ZBTB32: variants seen among roughly 807,000 people sequenced by gnomAD.
The protein encoded by ZBTB32 is zinc finger and BTB domain containing 32.
A neutral mutation model predicts 45.3 loss-of-function variants in ZBTB32; 28 were observed. The ratio of observed to expected loss-of-function variants is 0.62; its 90% CI spans 0.46 to 0.85. The LOEUF is 0.85. Among genes scored for constraint, ZBTB32 ranks in the 40% least tolerant of loss-of-function variants. The pLI, the probability that ZBTB32 is intolerant of heterozygous loss-of-function variation, is 0.00. For missense variants in ZBTB32, 587 were observed against 624.4 expected (o/e 0.94, Z 0.64); for synonymous variants, 283 against 255.7 (o/e 1.11, Z -1.02).
At position 35,716,493 on chromosome 19, in the gene ZBTB32, C is replaced by G; in HGVS notation, c.1205C>G (p.Ser402Cys). ...ACCGCTCTAGGAGAGAAGCCCTTCT[C>G]CTGTAGCCTTTGTCCTCAGCGCTCC... ...YRVHTGEKPFSCSLCPQRSRD... is the reference protein window; with the variant it reads ...YRVHTGEKPFCCSLCPQRSRD... The change falls in exon 7 of 7, where the codon TCC (serine) becomes TGC (cysteine). Residue 402 changes from serine to cysteine, a missense_variant. Ser to Cys is a moderately radical substitution (Grantham distance 112). Coordinates refer to ENST00000392197, the MANE Select transcript of ZBTB32 (RefSeq NM_014383.3). 1 of 1,608,714 alleles carries G rather than the reference C, an allele frequency of 6.2e-7. No individual in the cohort carries two copies. The highest frequency in any genetic ancestry group is 8.5e-7 in the Non-Finnish European group (1 of 1,176,520).
chr19:35,711,535 G>C (rs1968693036), intron 1 of ZBTB32, among the ~76,000 whole-genome samples: 2 of 152,110 alleles, frequency 1.3e-5, no homozygotes, highest in Non-Finnish European at 2.9e-5. Flanking sequence ...CCCTCCACCA[G>C]CCTCACCCAT....
chr19:35,714,251 C>T, intron 2 of ZBTB32: 1 of 172,536 alleles, frequency 5.8e-6, no homozygotes, highest in Non-Finnish European at 1.2e-5. Flanking sequence ...GCAGAAGTGG[C>T]AGTATCTGCT....
At chr19:35,715,679 T>C in intron 3 of ZBTB32, 78 bp from the exon 4 acceptor site, 1 of 1,512,144 alleles carries the variant, frequency 6.6e-7, no homozygotes, top group Non-Finnish European at 8.9e-7. Context: ...GGGGGAGGAC[T>C]TGGGATACCC....
At position 35,716,559 on chromosome 19, in the gene ZBTB32, G is replaced by A; in HGVS notation, c.1271G>A (p.Gly424Glu). The A allele has an allele frequency of 6.2e-7, 1 of 1,613,222 alleles. No individual in the cohort carries two copies. Among genetic ancestry groups the A allele is most frequent in the Non-Finnish European group, 8.5e-7 (1 of 1,179,864 alleles). ...ATGACCAAGCACCTGCGGACACACG[G>A]GGCCGCTCCGTACCGCTGCTCCCTG... The part of the protein sequence containing the change: ...SAMTKHLRTH[G>E]AAPYRCSLCG... The change falls in exon 7 of 7, where the codon GGG becomes GAG. Residue 424 changes from glycine (G) to glutamate (E), a missense_variant. Transcript: ENST00000392197.
At position 35,714,672 on chromosome 19, in the gene ZBTB32, C is replaced by A. The variant is rs973558548; in HGVS notation, c.46C>A (p.Arg16=). ...IRLPSPYGSD[R]LVQLAARLRP... The stretch of plus-strand genomic sequence containing the variant: ...ACTGCCCAGCCCCTATGGCTCTGAT[C>A]GGCTGGTACAGCTAGCAGCCAGGCT... The change falls in exon 3 of 7, where the codon CGG becomes AGG. Residue 16 remains arginine, a synonymous_variant. Transcript: ENST00000392197. 6.3e-7 allele frequency: 1 copy of A among 1,595,074 alleles called. No homozygotes were observed. The highest frequency in any genetic ancestry group is 8.6e-7 in the Non-Finnish European group (1 of 1,168,396).
Position 35,716,155 on chromosome 19 carries a change from T to C in ZBTB32, c.1047T>C (p.Gly349=). The C allele has an allele frequency of 6.2e-7, 1 of 1,613,636 alleles. No homozygotes were observed. The highest frequency in any genetic ancestry group is 8.5e-7 in the Non-Finnish European group (1 of 1,179,908). The part of the protein sequence containing the change: ...GHTGALATCA[G]HEDKAGCPPR... The stretch of plus-strand genomic sequence containing the variant: ...CAGGCGCACTTGCAACCTGTGCGGG[T>C]CATGAGGACAAGGCAGGCTGCCCAC... The change falls in exon 6 of 7, where the codon GGT becomes GGC. Residue 349 remains glycine, a synonymous_variant. Coordinates refer to ENST00000392197, the MANE Select transcript of ZBTB32 (RefSeq NM_014383.3).
intron 6 of ZBTB32, 50 bp downstream of exon 6, chr19:35,716,347 C>T: frequency 6.2e-7 from 1 of 1,607,142 alleles, no homozygotes; most frequent in Non-Finnish European, 8.5e-7. Flanking sequence ...CCCAACTCCG[C>T]TCCTGAGTCT....
intron 2 of ZBTB32, among the ~76,000 whole-genome samples, chr19:35,713,769 T>A (rs1429931702): frequency 6.6e-6 from 1 of 152,230 alleles, no homozygotes; most frequent in Non-Finnish European, 1.5e-5. Context: ...GAAAAACAAA[T>A]TAAACCATCT....
In ZBTB32 at chr19:35,715,809, G is replaced by T; in HGVS notation, c.934G>T (p.Ala312Ser). Residue 312 changes from alanine (A) to serine (S), a missense_variant, in exon 4 of 7, where the codon GCC becomes TCC. By Grantham distance (99) the Ala-to-Ser change is moderately conservative. Transcript: ENST00000392197. ...AGGGCTCTGGAGCCAGAACCAGTTG[G>T]CCTCCTCCAGCCCTACCCCAGGTAA... is the stretch of plus-strand genomic sequence containing the variant. ...PKGLWSQNQLASSSPTPGSLP... is the reference protein window; with the variant it reads ...PKGLWSQNQLSSSSPTPGSLP... The T allele has an allele frequency of 6.2e-7, 1 of 1,613,758 alleles. No homozygotes were observed.
chr19:35,711,762 C>A (rs1000031603), intron 1 of ZBTB32, among the ~76,000 whole-genome samples: 3 of 152,068 alleles, frequency 2.0e-5, no homozygotes, highest in African/African-American at 7.2e-5. Flanking sequence ...TATGGGAGGC[C>A]GGGCGCAATC....
Position 35,714,577 on chromosome 19 carries a change from T to A in ZBTB32, c.-50T>A. 6.8e-7 allele frequency: 1 copy of A among 1,480,450 alleles called. No individual in the cohort carries two copies. Among genetic ancestry groups the A allele is most frequent in the South Asian group, 1.4e-5 (1 of 69,980 alleles). The allele number at this position is 1,480,450 out of a possible 1,614,324, so 91.7% of individuals were successfully genotyped here. A position where few individuals can be genotyped will look rare whatever the true frequency, so the allele number is the denominator to read the frequency against. On this transcript the variant is annotated 5_prime_UTR_variant, in exon 3 of 7. Coordinates refer to ENST00000392197, the MANE Select transcript of ZBTB32 (RefSeq NM_014383.3). ...CCCCTTTCAACCATGGACCTCACAC[T>A]GTGGACTTCCTCTTAGAGCCTCTGA...
At chr19:35,709,952 G>A (rs1404276113) in intron 1 of ZBTB32, among the ~76,000 whole-genome samples, 3 of 151,776 alleles carry the variant, frequency 2.0e-5, no homozygotes, top group African/African-American at 7.3e-5. Context: ...GCTCACGCCT[G>A]TAATCCCAGC....
At position 35,715,234 on chromosome 19, in the gene ZBTB32, G is replaced by C. The variant is rs1968830615; in HGVS notation, c.608G>C (p.Arg203Thr). 1.2e-6 allele frequency: 2 copies of C among 1,603,086 alleles called. No homozygotes were observed. The highest frequency in any genetic ancestry group is 1.4e-5 in the African/African-American group (1 of 74,058). ...CGCCTCCAAGCCCCTGTTGGCCAAAGGGGAGCAGATGGGAAGCATGGAGTG... is the reference window on the plus strand; with the variant it reads ...CGCCTCCAAGCCCCTGTTGGCCAAACGGGAGCAGATGGGAAGCATGGAGTG... ...EKRLQAPVGQ[R>T]GADGKHGVLT... Residue 203 changes from arginine (R) to threonine (T), a missense_variant, in exon 3 of 7, where the codon AGG (arginine) becomes ACG (threonine). Arg to Thr is a moderately conservative substitution (Grantham distance 71). Transcript: ENST00000392197.
chr19:35,716,242 T>C lies in ZBTB32; in HGVS notation c.1134T>C (p.Cys378=), dbSNP rs778656736. The C allele has an allele frequency of 1.2e-6, 2 of 1,613,976 alleles. No homozygotes were observed. Among genetic ancestry groups the C allele is most frequent in the South Asian group, 1.1e-5 (1 of 91,072 alleles). ...CTCGGCCCTATGCGTGCTCTGTCTG[T>C]GGAAAGAGGTTTTCACTCAAGCATC... ...ARSRPYACSV[C]GKRFSLKHQM... The change falls in exon 6 of 7, where the codon TGT becomes TGC. Residue 378 remains cysteine, a synonymous_variant. Coordinates refer to ENST00000392197, the MANE Select transcript of ZBTB32 (RefSeq NM_014383.3).
chr19:35,712,180 C>T (rs1162362824), intron 1 of ZBTB32, among the ~76,000 whole-genome samples: 10 of 151,874 alleles, frequency 6.6e-5, no homozygotes, highest in Admixed American at 2.6e-4. Flanking sequence ...ATGCTTTATC[C>T]GCTGGGCGCA....
chr19:35,716,383 A>G, intron 6 of ZBTB32, 86 bp downstream of exon 6: 1 of 1,594,030 alleles, frequency 6.3e-7, no homozygotes, highest in South Asian at 1.1e-5. Context: ...GTTCCCGCGC[A>G]ATCCCCTAGC....
rs1253380004 is a variant in ZBTB32 at position 35,716,587 on chromosome 19, C to T, written c.1299C>T (p.Cys433=). Residue 433 remains cysteine, a synonymous_variant, in exon 7 of 7, where the codon TGC becomes TGT. Coordinates refer to ENST00000392197, the MANE Select transcript of ZBTB32 (RefSeq NM_014383.3). ...HGAAPYRCSL[C]GAGCPSLASM... ...CCGCTCCGTACCGCTGCTCCCTGTG[C>T]GGGGCCGGCTGTCCCAGCCTGGCCT... is the stretch of plus-strand genomic sequence containing the variant. The T allele has an allele frequency of 1.2e-6, 2 of 1,613,022 alleles. No homozygotes were observed. The highest frequency in any genetic ancestry group is 2.7e-5 in the African/African-American group (2 of 74,938).
chr19:35,707,348 G>A (rs1264546776), intron 1 of ZBTB32, among the ~76,000 whole-genome samples: 1 of 151,020 alleles, frequency 6.6e-6, no homozygotes, highest in African/African-American at 2.4e-5. Flanking sequence ...TATGCCAAGT[G>A]GTATAAGTGT....
intron 1 of ZBTB32, among the ~76,000 whole-genome samples, chr19:35,705,182 G>T (rs903382884): frequency 6.6e-6 from 1 of 152,106 alleles, no homozygotes; most frequent in South Asian, 2.1e-4. Context: ...GGTGGCACAC[G>T]TCCGTAATCC....
Sources: allele counts gnomAD v4.1 joint callset (sites outside exome capture counted in the v4.1 genomes callset), GRCh38; gene constraint gnomAD v4.1.1; transcripts MANE v1.5; gene names NCBI Gene and HGNC (gene_info 2026-07-23, HGNC 2026-07-21).